Variants in EHBP1 observed in about 807,000 individuals in gnomAD.
The protein encoded by EHBP1 is EH domain-binding protein 1.
EHBP1 carries 55 observed loss-of-function variants against 144.0 expected under a neutral mutation model. The ratio of observed to expected loss-of-function variants is 0.38; its 90% CI spans 0.31 to 0.48. EHBP1 has a LOEUF of 0.48. Ranked by LOEUF, EHBP1 falls within the 20% of genes least tolerant of loss-of-function variation. The probability of loss-of-function intolerance (pLI) is 0.98; values close to 1 mark genes in which losing one functional copy is unlikely to be tolerated. For missense variants in EHBP1, 1,200 were observed against 1,364.2 expected (o/e 0.88, Z 1.90); for synonymous variants, 469 against 472.7 (o/e 0.99, Z 0.10).
At chr2:62,720,211 GA>G (rs915134962) in intron 2 of EHBP1, among the ~76,000 whole-genome samples, 3 of 152,232 alleles carry the variant, frequency 2.0e-5, no homozygotes, top group Admixed American at 1.3e-4. Flanking sequence ...GAGGGAGTCT[GA>G]AAAAAATTAC....
chr2:62,838,471 G>T (rs1290014524), intron 7 of EHBP1, among the ~76,000 whole-genome samples: 1 of 151,894 alleles, frequency 6.6e-6, no homozygotes, highest in Non-Finnish European at 1.5e-5. Flanking sequence ...GCTAGCAGAA[G>T]GCAAGAAACA....
At chr2:62,753,904 T>C (rs574258978) in intron 3 of EHBP1, among the ~76,000 whole-genome samples, 1 of 152,206 alleles carries the variant, frequency 6.6e-6, no homozygotes, top group African/African-American at 2.4e-5. Flanking sequence ...CTAATCTTTC[T>C]TCAAAGTTTT....
intron 3 of EHBP1, among the ~76,000 whole-genome samples, chr2:62,760,890 C>T (rs1484213143): frequency 1.3e-5 from 2 of 152,148 alleles, no homozygotes; most frequent in African/African-American, 2.4e-5. Context: ...GTCTAAAAAT[C>T]TCTGATGGGT....
chr2:62,734,259 T>G (rs2037893210), intron 2 of EHBP1, among the ~76,000 whole-genome samples: 3 of 152,092 alleles, frequency 2.0e-5, no homozygotes, highest in African/African-American at 7.2e-5. Flanking sequence ...AGTGAAAGTA[T>G]TTCTCTATCC....
intron 1 of EHBP1, among the ~76,000 whole-genome samples, chr2:62,674,993 G>A (rs1256119270): frequency 3.3e-5 from 5 of 152,150 alleles, no homozygotes; most frequent in African/African-American, 1.2e-4. Flanking sequence ...AGAATTAGTG[G>A]TCAGAGAGGG....
chr2:62,963,006 G>A (rs1018560848), intron 14 of EHBP1, among the ~76,000 whole-genome samples: 1 of 152,190 alleles, frequency 6.6e-6, no homozygotes, highest in Admixed American at 6.5e-5. Flanking sequence ...CAGGTTAGCA[G>A]CAAGTCCTGG....
chr2:62,750,325 T>C (rs1042375573), intron 3 of EHBP1, among the ~76,000 whole-genome samples: 5 of 152,204 alleles, frequency 3.3e-5, no homozygotes, highest in Non-Finnish European at 7.3e-5. Context: ...AGGGCTCTGT[T>C]CTGTTCTATT....
At chr2:63,014,908 G>A (rs1326998877) in intron 19 of EHBP1, among the ~76,000 whole-genome samples, 1 of 152,260 alleles carries the variant, frequency 6.6e-6, no homozygotes, top group African/African-American at 2.4e-5. Context: ...AGCCCGGGAG[G>A]TGGAGGTTAC....
intron 7 of EHBP1, among the ~76,000 whole-genome samples, chr2:62,850,709 C>G (rs1484204282): frequency 6.6e-6 from 1 of 151,902 alleles, no homozygotes; most frequent in African/African-American, 2.4e-5. Flanking sequence ...TTGGGTAGTA[C>G]TTTTGGTCAG....
At chr2:63,036,086 G>T (rs1345753912) in intron 19 of EHBP1, among the ~76,000 whole-genome samples, 1 of 151,990 alleles carries the variant, frequency 6.6e-6, no homozygotes, top group Non-Finnish European at 1.5e-5. Context: ...ATTTTATAGG[G>T]ATGCTCTGAA....
At chr2:62,957,265 G>A (rs2153116416) in intron 14 of EHBP1, among the ~76,000 whole-genome samples, 1 of 152,038 alleles carries the variant, frequency 6.6e-6, no homozygotes, top group African/African-American at 2.4e-5. Context: ...GAAAAAGGTT[G>A]GAAAAATATC....
At chr2:62,975,044 T>C (rs2058653827) in intron 14 of EHBP1, among the ~76,000 whole-genome samples, 1 of 152,184 alleles carries the variant, frequency 6.6e-6, no homozygotes, top group Non-Finnish European at 1.5e-5. Context: ...GGAAGACTTT[T>C]AACAGTTGGG....
chr2:62,938,937 TA>T (rs2056568526), intron 10 of EHBP1, among the ~76,000 whole-genome samples: 1 of 152,320 alleles, frequency 6.6e-6, no homozygotes, highest in South Asian at 2.1e-4. Flanking sequence ...GTGGTGGTAA[TA>T]ATAATTGCAA....
At chr2:62,735,647 C>A (rs1415531140) in intron 2 of EHBP1, among the ~76,000 whole-genome samples, 2 of 152,154 alleles carry the variant, frequency 1.3e-5, no homozygotes, top group Non-Finnish European at 2.9e-5. Flanking sequence ...ATTCGAGTTT[C>A]TGACCTATGT....
intron 7 of EHBP1, among the ~76,000 whole-genome samples, chr2:62,844,051 T>G (rs2048117450): frequency 6.6e-6 from 1 of 152,242 alleles, no homozygotes; most frequent in Non-Finnish European, 1.5e-5. Flanking sequence ...TTATATTGAA[T>G]GTATTGTTTC....
intron 15 of EHBP1, among the ~76,000 whole-genome samples, chr2:62,985,324 G>C (rs1415097159): frequency 1.3e-5 from 2 of 152,098 alleles, no homozygotes; most frequent in African/African-American, 4.8e-5. Context: ...GTGAGCAAGA[G>C]TGATATTATA....
At chr2:62,900,920 C>T (rs2053365790) in intron 10 of EHBP1, among the ~76,000 whole-genome samples, 1 of 152,050 alleles carries the variant, frequency 6.6e-6, no homozygotes, top group African/African-American at 2.4e-5. Context: ...GCAAGTTGTT[C>T]TTAGCAGTTG....
Position 62,705,905 on chromosome 2 carries a change from G to T in EHBP1, c.-443G>T. 1 of 158,854 alleles carries T rather than the reference G, an allele frequency of 6.3e-6. No individual in the cohort carries two copies. The highest frequency in any genetic ancestry group is 1.3e-4 in the South Asian group (1 of 7,482). 9.8% of individuals were successfully genotyped at this position (158,854 alleles called of 1,614,324 possible). ...TGAGGGGCTGCAGATCCCGGCTACC[G>T]CGAGCGCCGTGGCTGGCTTGGCTGT... On this transcript the variant is annotated 5_prime_UTR_variant, in exon 1 of 23. Transcript: ENST00000431489.
intron 1 of EHBP1, among the ~76,000 whole-genome samples, chr2:62,679,005 C>A (rs1217126460): frequency 2.0e-5 from 3 of 152,058 alleles, no homozygotes; most frequent in African/African-American, 7.2e-5. Context: ...ATACAGAGAA[C>A]CCTGAGTCTT....
Sources: allele counts gnomAD v4.1 joint callset (sites outside exome capture counted in the v4.1 genomes callset), GRCh38; gene constraint gnomAD v4.1.1; transcripts MANE v1.5; gene names NCBI Gene and HGNC (gene_info 2026-07-23, HGNC 2026-07-21).